NRG3: variants seen among roughly 807,000 people sequenced by gnomAD.
NRG3 encodes the protein neuregulin 3.
A neutral mutation model predicts 66.9 loss-of-function variants in NRG3; 31 were observed. The ratio of observed to expected loss-of-function variants is 0.46; its 90% CI spans 0.35 to 0.63. The LOEUF (loss-of-function observed/expected upper bound fraction) is 0.63. NRG3 is among the 20% of genes least tolerant of loss of function. The pLI, the probability that NRG3 is intolerant of heterozygous loss-of-function variation, is 0.00. For missense variants in NRG3, 910 were observed against 878.9 expected (o/e 1.04, Z -0.45); for synonymous variants, 393 against 359.4 (o/e 1.09, Z -1.06).
intron 1 of NRG3, among the ~76,000 whole-genome samples, chr10:82,061,103 A>T (rs192605427): frequency 6.6e-6 from 1 of 152,338 alleles, no homozygotes; most frequent in African/African-American, 2.4e-5. Flanking sequence ...CTGTAATGCC[A>T]GCACTTTGGG....
At chr10:82,485,701 C>A (rs1590304240) in intron 2 of NRG3, among the ~76,000 whole-genome samples, 1 of 151,914 alleles carries the variant, frequency 6.6e-6, no homozygotes, top group Non-Finnish European at 1.5e-5. Context: ...ACTGTGCTTT[C>A]CTCCTATTTA....
chr10:82,780,277 G>T (rs2060066858), intron 3 of NRG3, among the ~76,000 whole-genome samples: 1 of 152,014 alleles, frequency 6.6e-6, no homozygotes, highest in Admixed American at 6.6e-5. Flanking sequence ...TCTAGTACTA[G>T]ATCCTTGAGG....
chr10:81,908,709 A>G (rs1379898865), intron 1 of NRG3, among the ~76,000 whole-genome samples: 4 of 152,186 alleles, frequency 2.6e-5, no homozygotes, highest in Admixed American at 2.0e-4. Flanking sequence ...TGGGGATGAA[A>G]AAGGAGAGAA....
intron 1 of NRG3, among the ~76,000 whole-genome samples, chr10:82,237,298 T>G (rs1334843639): frequency 2.6e-5 from 4 of 152,184 alleles, no homozygotes; most frequent in Non-Finnish European, 5.9e-5. Context: ...TGCCTCTGTT[T>G]GCAAAGGTCA....
At chr10:82,942,142 G>A (rs1018919234) in intron 4 of NRG3, among the ~76,000 whole-genome samples, 1 of 152,030 alleles carries the variant, frequency 6.6e-6, no homozygotes, top group Non-Finnish European at 1.5e-5. Context: ...AGAAGCACTA[G>A]AATCCTAGGT....
intron 1 of NRG3, among the ~76,000 whole-genome samples, chr10:82,005,149 T>C (rs1470946324): frequency 6.6e-6 from 1 of 152,216 alleles, no homozygotes; most frequent in Non-Finnish European, 1.5e-5. Context: ...CAAAGTGTTG[T>C]AGATCTTTTC....
At chr10:81,976,539 T>C (rs1317298874) in intron 1 of NRG3, among the ~76,000 whole-genome samples, 1 of 152,188 alleles carries the variant, frequency 6.6e-6, no homozygotes, top group East Asian at 1.9e-4. Context: ...CTAGGATAGA[T>C]TGCTGAGATA....
At chr10:82,141,750 A>G (rs2132648087) in intron 1 of NRG3, among the ~76,000 whole-genome samples, 1 of 152,324 alleles carries the variant, frequency 6.6e-6, no homozygotes, top group South Asian at 2.1e-4. Context: ...TACTGCTAAA[A>G]TAAAGTAGAA....
intron 1 of NRG3, among the ~76,000 whole-genome samples, chr10:81,880,819 T>C (rs1842111835): frequency 6.6e-6 from 1 of 152,236 alleles, no homozygotes. Flanking sequence ...TTTTTCTTTC[T>C]TTCTAGCTGT....
chr10:82,141,891 T>G (rs887246799), intron 1 of NRG3, among the ~76,000 whole-genome samples: 1 of 152,172 alleles, frequency 6.6e-6, no homozygotes, highest in Non-Finnish European at 1.5e-5. Context: ...GTCCTTTACC[T>G]CCTCTTCCAG....
chr10:82,020,668 T>C (rs1183277053), intron 1 of NRG3, among the ~76,000 whole-genome samples: 2 of 152,134 alleles, frequency 1.3e-5, no homozygotes, highest in African/African-American at 4.8e-5. Context: ...TTGCTCAAGT[T>C]CCCAAGAATC....
chr10:82,080,810 A>G (rs1564542903), intron 1 of NRG3, among the ~76,000 whole-genome samples: 1 of 152,206 alleles, frequency 6.6e-6, no homozygotes, highest in Non-Finnish European at 1.5e-5. Context: ...TACATTCACA[A>G]TACTGTGCAA....
chr10:82,539,118 C>T (rs1590568330), intron 2 of NRG3, among the ~76,000 whole-genome samples: 1 of 152,190 alleles, frequency 6.6e-6, no homozygotes, highest in African/African-American at 2.4e-5. Flanking sequence ...AGTGATACAG[C>T]CAACTGGACA....
chr10:82,075,954 T>TA (rs35298857), intron 1 of NRG3, among the ~76,000 whole-genome samples: 81,071 of 147,294 alleles, frequency 0.55, 22,824 homozygotes, highest in South Asian at 0.68. Context: ...TAAACATAGT[T>TA]AAAAAAAAAA....
At position 82,041,592 on chromosome 10, in the gene NRG3, C is replaced by T. The variant is rs533431576; in HGVS notation, c.823+165429C>T. ...AGTCTCCAAAACACATATTTTCCCT[C>T]ATAATCAGAGGTTGTTTTTGCTTTG... On this transcript the variant is annotated intron_variant, in intron 1 of 8. Transcript: ENST00000372141. Among the ~76,000 whole-genome samples the T allele has an allele frequency of 5.9e-5, 9 of 152,128 alleles. No homozygotes were observed. The East Asian group carries it at 1.6e-3, about 26-fold the overall frequency.
At chr10:82,717,533 G>T (rs1312018188) in intron 2 of NRG3, among the ~76,000 whole-genome samples, 1 of 151,526 alleles carries the variant, frequency 6.6e-6, no homozygotes, top group Non-Finnish European at 1.5e-5. Context: ...CCAAGTAGCT[G>T]GGACTACAGG....
chr10:82,046,302 T>C (rs1167884807), intron 1 of NRG3, among the ~76,000 whole-genome samples: 1 of 49,694 alleles, frequency 2.0e-5, no homozygotes, highest in Admixed American at 3.1e-4. Flanking sequence ...TAAATTGGAT[T>C]CCTAGGTATT....
In NRG3 at chr10:82,951,579, T is replaced by G; in HGVS notation, c.1157+8T>G. The G allele has an allele frequency of 1.2e-6, 2 of 1,608,096 alleles. No homozygotes were observed. The highest frequency in any genetic ancestry group is 1.7e-6 in the Non-Finnish European group (2 of 1,174,768). Reference sequence around the variant, plus strand: ...ATTCTACTTCAAAAGCAAGTAAGACTATTTCTCTCAAGTGTTTAAAGGTTA... The same window carrying G: ...ATTCTACTTCAAAAGCAAGTAAGACGATTTCTCTCAAGTGTTTAAAGGTTA... On this transcript the variant is annotated splice_region_variant and intron_variant, in intron 5 of 8. Transcript: ENST00000372141.
chr10:82,337,417 T>C (rs913787526), intron 1 of NRG3, among the ~76,000 whole-genome samples: 2 of 152,262 alleles, frequency 1.3e-5, no homozygotes, highest in Non-Finnish European at 2.9e-5. Context: ...TGGTGGACAA[T>C]GGAGTTGCTT....
Sources: gnomAD v4.1 joint callset for allele counts (sites outside exome capture counted in the v4.1 genomes callset) on GRCh38, gnomAD v4.1.1 for gene constraint, MANE v1.5 for transcripts, NCBI Gene and HGNC (gene_info 2026-07-23, HGNC 2026-07-21) for gene names.